The following SAMD12 variants were observed in gnomAD, a reference collection of about 807,000 sequenced individuals.
The protein encoded by SAMD12 is sterile alpha motif domain-containing protein 12.
A neutral mutation model predicts 15.0 loss-of-function variants in SAMD12; 9 were observed. That is an observed-to-expected ratio of 0.60 (90% CI 0.36 to 1.05). The LOEUF (loss-of-function observed/expected upper bound fraction) is 1.05. Ranked by LOEUF, SAMD12 falls within the 50% of genes least tolerant of loss-of-function variation. The pLI is 0.01. For missense variants in SAMD12, 230 were observed against 234.2 expected (o/e 0.98, Z 0.12); for synonymous variants, 86 against 90.1 (o/e 0.96, Z 0.25).
At chr8:118,330,108 A>C (rs1166236457) in intron 4 of SAMD12, among the ~76,000 whole-genome samples, 1 of 152,216 alleles carries the variant, frequency 6.6e-6, no homozygotes, top group African/African-American at 2.4e-5. Flanking sequence ...TTCTGAAAGA[A>C]ATAGAACAAC....
chr8:118,519,432 C>T (rs1243075845), intron 2 of SAMD12, among the ~76,000 whole-genome samples: 1 of 152,184 alleles, frequency 6.6e-6, no homozygotes, highest in Non-Finnish European at 1.5e-5. Context: ...AATTTCAATG[C>T]AGGTCTGGCT....
At chr8:118,482,223 A>T (rs1389206093) in intron 2 of SAMD12, among the ~76,000 whole-genome samples, 1 of 152,240 alleles carries the variant, frequency 6.6e-6, no homozygotes, top group African/African-American at 2.4e-5. Flanking sequence ...CAGACCCTTG[A>T]TATAAGATGA....
At chr8:118,147,734 T>G in the SAMD12 span, among the ~76,000 whole-genome samples, 1 of 151,930 alleles carries the variant, frequency 6.6e-6, no homozygotes, top group African/African-American at 2.4e-5. Context: ...AAAGAAAGGT[T>G]AAACAAAGCA....
chr8:118,310,719 A>G (rs187756344), intron 4 of SAMD12, among the ~76,000 whole-genome samples: 1 of 152,316 alleles, frequency 6.6e-6, no homozygotes, highest in Admixed American at 6.5e-5. Flanking sequence ...CTTGTTCAGA[A>G]GTCATTTCTA....
intron 4 of SAMD12, among the ~76,000 whole-genome samples, chr8:118,217,918 T>G (rs1469641456): frequency 3.3e-5 from 5 of 152,302 alleles, no homozygotes; most frequent in Admixed American, 2.0e-4. Context: ...CTGTCCTCTG[T>G]GCTAATCCCA....
chr8:118,413,791 C>A (rs1440929466), intron 3 of SAMD12, among the ~76,000 whole-genome samples: 1 of 152,030 alleles, frequency 6.6e-6, no homozygotes, highest in African/African-American at 2.4e-5. Flanking sequence ...GAAGCTATAG[C>A]TCTTGAAAGG....
At chr8:118,430,207 G>A (rs1054316418) in intron 3 of SAMD12, among the ~76,000 whole-genome samples, 2 of 152,156 alleles carry the variant, frequency 1.3e-5, no homozygotes, top group East Asian at 1.9e-4. Context: ...GATCATCAGA[G>A]AGTGATGTTG....
intron 4 of SAMD12, among the ~76,000 whole-genome samples, chr8:118,318,317 T>TATATATATATATATATATATATATAC (rs1816031864): frequency 1.1e-4 from 1 of 9,124 alleles, no homozygotes; most frequent in African/African-American, 2.7e-4. Flanking sequence ...TGTGTATATA[T>TATATATATATATATATATATATATAC]ATATATATAT....
chr8:118,241,072 T>C (rs925903729), intron 4 of SAMD12, among the ~76,000 whole-genome samples: 4 of 152,184 alleles, frequency 2.6e-5, no homozygotes, highest in Admixed American at 6.5e-5. Flanking sequence ...ATAGTATTCA[T>C]TGATTTTAGG....
chr8:118,416,307 T>C (rs1391327950), intron 3 of SAMD12, among the ~76,000 whole-genome samples: 1 of 152,228 alleles, frequency 6.6e-6, no homozygotes, highest in Admixed American at 6.5e-5. Context: ...TAACTATTAC[T>C]ACAATAAGTT....
intron 4 of SAMD12, among the ~76,000 whole-genome samples, chr8:118,324,941 T>C (rs1433663506): frequency 6.6e-6 from 1 of 152,118 alleles, no homozygotes; most frequent in Non-Finnish European, 1.5e-5. Flanking sequence ...TCTGTATTTG[T>C]GGAATGAATT....
intron 1 of SAMD12, among the ~76,000 whole-genome samples, chr8:118,582,168 TAATA>T (rs1827312265): frequency 6.6e-6 from 1 of 152,196 alleles, no homozygotes; most frequent in African/African-American, 2.4e-5. Flanking sequence ...ACTCCCTCCT[TAATA>T]GATATCATCT....
intron 4 of SAMD12, among the ~76,000 whole-genome samples, chr8:118,325,154 G>A (rs546017409): frequency 6.6e-6 from 1 of 152,314 alleles, no homozygotes; most frequent in South Asian, 2.1e-4. Flanking sequence ...TTAGTCTCGT[G>A]AGCCCAAGCT....
At chr8:118,357,127 A>G (rs1186890115) in intron 4 of SAMD12, among the ~76,000 whole-genome samples, 1 of 152,246 alleles carries the variant, frequency 6.6e-6, no homozygotes, top group African/African-American at 2.4e-5. Flanking sequence ...GAAAGGGAGA[A>G]ATAATCAAAG....
At chr8:118,140,473 TG>T in the SAMD12 span, among the ~76,000 whole-genome samples, 1 of 152,116 alleles carries the variant, frequency 6.6e-6, no homozygotes, top group East Asian at 1.9e-4. Context: ...GATCTTGCTA[TG>T]TTGCTCAGGC....
downstream of SAMD12, among the ~76,000 whole-genome samples, chr8:118,377,428 T>C (rs1819445165): frequency 6.6e-6 from 1 of 151,544 alleles, no homozygotes. Flanking sequence ...CAAAAACCTA[T>C]GTAAAGAACA....
chr8:118,611,947 G>A (rs1828122766), intron 1 of SAMD12, among the ~76,000 whole-genome samples: 2 of 152,094 alleles, frequency 1.3e-5, no homozygotes, highest in Admixed American at 1.3e-4. Context: ...CTTTGCAAGT[G>A]AACCAAGCAC....
chr8:118,586,899 T>C (rs1039155177), intron 1 of SAMD12, among the ~76,000 whole-genome samples: 3 of 152,204 alleles, frequency 2.0e-5, no homozygotes, highest in African/African-American at 7.2e-5. Flanking sequence ...ATGCGTAACA[T>C]ATATTTTTCA....
rs536418117 is a variant in SAMD12 at position 118,364,785 on chromosome 8, A to G, written c.433+14775T>C. 3.9e-5 allele frequency among the ~76,000 whole-genome samples: 6 copies of G among 152,196 alleles called. No individual in the cohort carries two copies. The South Asian group carries it at 1.2e-3, about 32-fold the overall frequency. On this transcript the variant is annotated intron_variant, in intron 4 of 4. Coordinates refer to the SAMD12 transcript ENST00000409003. ...TGTGGTGAAGAGGAGTGAAGGATGA[A>G]TCTTTACAACCCTCTCCTTTACCGT... is the stretch of plus-strand genomic sequence containing the variant.
Sources: allele counts gnomAD v4.1 joint callset (sites outside exome capture counted in the v4.1 genomes callset), GRCh38; gene constraint gnomAD v4.1.1; transcripts MANE v1.5; gene names NCBI Gene and HGNC (gene_info 2026-07-23, HGNC 2026-07-21).